The following NRXN3 variants were observed in gnomAD, a reference collection of about 807,000 sequenced individuals.
NRXN3 encodes neurexin III.
NRXN3 carries 32 observed loss-of-function variants against 137.6 expected under a neutral mutation model. The ratio of observed to expected loss-of-function variants is 0.23; its 90% CI spans 0.18 to 0.31. NRXN3 has a LOEUF of 0.31. Ranked by LOEUF, NRXN3 falls within the 10% of genes least tolerant of loss-of-function variation. NRXN3 has a pLI of 1.00. For missense variants in NRXN3, 1,574 were observed against 2,062.5 expected (o/e 0.76, Z 4.59); for synonymous variants, 798 against 784.5 (o/e 1.02, Z -0.29).
intron 19 of NRXN3, among the ~76,000 whole-genome samples, chr14:79,730,597 T>G (rs1300716994): frequency 1.3e-5 from 2 of 152,224 alleles, no homozygotes; most frequent in African/African-American, 2.4e-5. Context: ...GGAAGATTTA[T>G]GCAGTGAGTA....
In NRXN3 at chr14:79,768,081, G is replaced by C. The variant is rs193147869; in HGVS notation, c.4015-37031G>C. 2.6e-5 allele frequency among the ~76,000 whole-genome samples: 4 copies of C among 152,178 alleles called. No individual in the cohort carries two copies. In the East Asian group the frequency reaches 7.7e-4, roughly 29 times the overall value. On this transcript the variant is annotated intron_variant, in intron 19 of 20. Coordinates refer to ENST00000335750, the MANE Select transcript of NRXN3 (RefSeq NM_001330195.2). Reference sequence around the variant, plus strand: ...TTTTCCGACGGGCTTAAAAAATGGCGCACCAGGAGATTATATCCCTCACCT... The same window carrying C: ...TTTTCCGACGGGCTTAAAAAATGGCCCACCAGGAGATTATATCCCTCACCT...
intron 19 of NRXN3, among the ~76,000 whole-genome samples, chr14:79,713,067 A>G (rs1366120135): frequency 6.6e-6 from 1 of 151,952 alleles, no homozygotes; most frequent in African/African-American, 2.4e-5. Context: ...CTTCACTAAT[A>G]AATTTAAAAG....
At chr14:79,122,697 G>T (rs116360022) in intron 15 of NRXN3, among the ~76,000 whole-genome samples, 1,820 of 152,208 alleles carry the variant, frequency 0.012, 29 homozygotes, top group African/African-American at 0.039. Flanking sequence ...AGCTGTGTTT[G>T]CCCATTCATT....
At chr14:79,814,511 A>G (rs944400869) in intron 20 of NRXN3, among the ~76,000 whole-genome samples, 1 of 152,244 alleles carries the variant, frequency 6.6e-6, no homozygotes, top group African/African-American at 2.4e-5. Flanking sequence ...TACCTGACTT[A>G]AGGAGGAAAA....
At chr14:79,431,971 T>C (rs2095763790) in intron 15 of NRXN3, among the ~76,000 whole-genome samples, 1 of 152,148 alleles carries the variant, frequency 6.6e-6, no homozygotes, top group African/African-American at 2.4e-5. Context: ...CCTACTACAG[T>C]CTGTCCTCTG....
chr14:78,218,429 C>T (rs1348193174), intron 1 of NRXN3, among the ~76,000 whole-genome samples: 2 of 152,130 alleles, frequency 1.3e-5, no homozygotes, highest in Non-Finnish European at 2.9e-5. Context: ...GGCACATTCT[C>T]TTTTTGTAGG....
At chr14:78,781,448 T>A (rs1407293172) in intron 8 of NRXN3, among the ~76,000 whole-genome samples, 1 of 152,192 alleles carries the variant, frequency 6.6e-6, no homozygotes, top group East Asian at 1.9e-4. Flanking sequence ...TTTCTACTTG[T>A]TCGAATGTTT....
intron 2 of NRXN3, among the ~76,000 whole-genome samples, chr14:78,271,261 A>AT (rs1201320929): frequency 1.3e-5 from 2 of 152,104 alleles, no homozygotes; most frequent in Non-Finnish European, 2.9e-5. Flanking sequence ...AAGCTCTGTG[A>AT]TTTTTACTGT....
At chr14:79,805,740 A>G (rs937820746) in intron 20 of NRXN3, among the ~76,000 whole-genome samples, 2 of 152,178 alleles carry the variant, frequency 1.3e-5, no homozygotes, top group African/African-American at 4.8e-5. Context: ...TTATCTTTGT[A>G]CTAATTTTGT....
chr14:79,769,655 G>C (rs1012097764), intron 19 of NRXN3, among the ~76,000 whole-genome samples: 3 of 152,010 alleles, frequency 2.0e-5, no homozygotes, highest in African/African-American at 7.2e-5. Flanking sequence ...ACCGATACCA[G>C]CCGCTGCAAA....
At chr14:79,841,110 G>A (rs2099354890) in intron 20 of NRXN3, among the ~76,000 whole-genome samples, 1 of 152,182 alleles carries the variant, frequency 6.6e-6, no homozygotes, top group Admixed American at 6.5e-5. Flanking sequence ...GTTAGACACA[G>A]TCAAAGCCGT....
intron 7 of NRXN3, among the ~76,000 whole-genome samples, chr14:78,712,701 T>C (rs1595060751): frequency 6.6e-6 from 1 of 152,162 alleles, no homozygotes; most frequent in African/African-American, 2.4e-5. Context: ...TAGCTGGGAT[T>C]ACAGGTGCCT....
rs1427298322 is a variant in NRXN3, at chr14:79,279,206, T to A, written c.3263-188015T>A. ...CGTGTGCTGGAGGCTCGCGCGGGTG[T>A]ATACGAGCCTGTGCTTGAATGGGAA... On this transcript the variant is annotated intron_variant, in intron 15 of 20. Transcript: ENST00000335750. 5 of 287,172 alleles carry A rather than the reference T, an allele frequency of 1.7e-5. No homozygotes were observed. The South Asian group carries it at 6.7e-4, about 38-fold the overall frequency. 17.8% of individuals were successfully genotyped at this position (287,172 alleles called of 1,614,324 possible).
chr14:78,263,049 A>AATT (rs200604484), intron 2 of NRXN3, among the ~76,000 whole-genome samples: 5 of 38,456 alleles, frequency 1.3e-4, no homozygotes, highest in African/African-American at 3.2e-4. Flanking sequence ...TGGTGAAGTC[A>AATT]CTTTTTTTTT....
At chr14:78,436,636 G>T (rs2094076290) in intron 4 of NRXN3, among the ~76,000 whole-genome samples, 1 of 152,238 alleles carries the variant, frequency 6.6e-6, no homozygotes, top group South Asian at 2.1e-4. Context: ...TGGCTCGTGA[G>T]ACACATGAAT....
At chr14:78,231,789 C>A (rs1451489999) in intron 1 of NRXN3, among the ~76,000 whole-genome samples, 1 of 152,222 alleles carries the variant, frequency 6.6e-6, no homozygotes, top group African/African-American at 2.4e-5. Context: ...CCATACTTGG[C>A]ATAGCGCGTT....
chr14:79,316,636 C>T (rs578223925), intron 15 of NRXN3, among the ~76,000 whole-genome samples: 6 of 152,096 alleles, frequency 3.9e-5, no homozygotes, highest in African/African-American at 9.6e-5. Context: ...ACAACTTGCC[C>T]TGCATATTGA....
chr14:78,595,925 C>T (rs912801645), intron 4 of NRXN3, among the ~76,000 whole-genome samples: 1 of 152,042 alleles, frequency 6.6e-6, no homozygotes, highest in African/African-American at 2.4e-5. Flanking sequence ...AATTTTAGAC[C>T]CCAAGGGGAC....
chr14:78,534,925 A>G (rs1395166661), intron 4 of NRXN3, among the ~76,000 whole-genome samples: 4 of 152,314 alleles, frequency 2.6e-5, no homozygotes, highest in South Asian at 4.1e-4. Flanking sequence ...CAATAGTTTC[A>G]CTTTTAAAAT....
Sources: gnomAD v4.1 joint callset for allele counts (sites outside exome capture counted in the v4.1 genomes callset) on GRCh38, gnomAD v4.1.1 for gene constraint, MANE v1.5 for transcripts, NCBI Gene and HGNC (gene_info 2026-07-23, HGNC 2026-07-21) for gene names.